COPB1: variants seen among roughly 807,000 people sequenced by gnomAD.
COPB1 encodes coatomer subunit beta.
Under a neutral mutation model 108.7 loss-of-function variants are expected in COPB1, and 21 were observed. The observed-to-expected ratio is 0.19, with a 90% CI of 0.14 to 0.28. The LOEUF is 0.28. COPB1 is among the 10% of genes least tolerant of loss of function. COPB1 has a pLI of 1.00. For missense variants in COPB1, 919 were observed against 1,141.3 expected (o/e 0.81, Z 2.81); for synonymous variants, 378 against 386.8 (o/e 0.98, Z 0.27).
At chr11:14,476,276 T>C (rs1850517786) in intron 12 of COPB1, among the ~76,000 whole-genome samples, 1 of 152,220 alleles carries the variant, frequency 6.6e-6, no homozygotes, top group African/African-American at 2.4e-5. Context: ...AAGCAGATGG[T>C]CATTAAGTCG....
At chr11:14,481,608 A>G (rs1470864336) in intron 8 of COPB1, among the ~76,000 whole-genome samples, 2 of 152,248 alleles carry the variant, frequency 1.3e-5, no homozygotes, top group Non-Finnish European at 2.9e-5. Context: ...TAGACTTGGT[A>G]TTAGATAACA....
chr11:14,499,020 TAA>T (rs3214792), intron 1 of COPB1, 35 bp from the exon 2 acceptor site: 204 of 804,374 alleles, frequency 2.5e-4, no homozygotes, highest in Middle Eastern at 3.8e-4. Flanking sequence ...CATTACAAAT[TAA>T]AAAAAAAAAA....
chr11:14,473,484 C>T (rs1284033807), intron 14 of COPB1, among the ~76,000 whole-genome samples: 2 of 152,100 alleles, frequency 1.3e-5, no homozygotes. Flanking sequence ...CACTTAGAAG[C>T]CACTGTAGGA....
At position 14,479,723 on chromosome 11, in the gene COPB1, A is replaced by G. The variant is rs1209412276; in HGVS notation, c.1213-9T>C. On this transcript the variant is annotated splice_polypyrimidine_tract_variant and intron_variant, in intron 10 of 21. Transcript: ENST00000439561. ...CTGAGAAATTCCATTAACTAAAAGA[A>G]AAAAAAAAAAAAGAAAATGGAACTA... 2.3e-6 allele frequency: 3 copies of G among 1,286,122 alleles called. No individual in the cohort carries two copies. The highest frequency in any genetic ancestry group is 3.1e-5 in the African/African-American group (2 of 65,516). 79.7% of individuals were successfully genotyped at this position (1,286,122 alleles called of 1,614,324 possible).
At chr11:14,459,709 G>A (rs200712579) in intron 20 of COPB1, among the ~76,000 whole-genome samples, 2 of 151,220 alleles carry the variant, frequency 1.3e-5, no homozygotes, top group East Asian at 3.9e-4. Context: ...TCCACCCCCT[G>A]GGGTTCAGGT....
chr11:14,495,203 G>C (rs1214063134), intron 2 of COPB1, among the ~76,000 whole-genome samples: 2 of 152,078 alleles, frequency 1.3e-5, no homozygotes, highest in Non-Finnish European at 2.9e-5. Flanking sequence ...AGAATTTATA[G>C]TACTAAAAAT....
At chr11:14,459,524 C>T (rs1274762260) in intron 20 of COPB1, among the ~76,000 whole-genome samples, 1 of 151,914 alleles carries the variant, frequency 6.6e-6, no homozygotes, top group Non-Finnish European at 1.5e-5. Flanking sequence ...AGTATAACAA[C>T]GATTCTGTAT....
At chr11:14,469,659 AC>A in intron 14 of COPB1, 96 bp from the exon 15 acceptor site, 1 of 1,039,164 alleles carries the variant, frequency 9.6e-7, no homozygotes, top group East Asian at 2.6e-5. Context: ...TTTTCACTTC[AC>A]CTGAATAAGA....
rs763627323 is a variant in COPB1, at chr11:14,458,607, G to A, written c.2727C>T (p.Val909=). 5 of 1,613,790 alleles carry A rather than the reference G, an allele frequency of 3.1e-6. No homozygotes were observed. The highest frequency in any genetic ancestry group is 4.2e-6 in the Non-Finnish European group (5 of 1,179,908). The change falls in exon 21 of 22, where the codon GTC becomes GTT. Residue 909 remains valine, a synonymous_variant. Transcript: ENST00000439561. The part of the protein sequence containing the change: ...SIFGEDALAN[V]SIEKPIHQGP... The stretch of plus-strand genomic sequence containing the variant: ...CCTGGTGAATTGGCTTCTCAATGCT[G>A]ACATTTGCAAGTGCATCTTCACCAA...
chr11:14,493,690 T>G lies in COPB1; in HGVS notation c.443A>C (p.His148Pro). The G allele has an allele frequency of 1.2e-6, 2 of 1,613,412 alleles. No individual in the cohort carries two copies. Among genetic ancestry groups the G allele is most frequent in the Non-Finnish European group, 1.7e-6 (2 of 1,179,824 alleles). ...PAIRACLEHR[H>P]SYVRRNAVLA... ...AACAGCATTTCTTCTAACATAGCTG[T>G]GTCGATGCTCCAAACATGCACGAAT... The change falls in exon 4 of 22, where the codon CAC (histidine) becomes CCC (proline). Residue 148 changes from histidine (H) to proline (P), a missense_variant. Coordinates refer to ENST00000439561, the MANE Select transcript of COPB1 (RefSeq NM_001144061.2).
chr11:14,461,047 T>G (rs959327400), intron 19 of COPB1, 139 bp downstream of exon 19: 2 of 1,057,478 alleles, frequency 1.9e-6, no homozygotes, highest in Non-Finnish European at 2.8e-6. Context: ...AAGGCTAATT[T>G]GCAAGAACAG....
chr11:14,457,765 G>A lies in COPB1; in HGVS notation c.*59C>T. 1 of 1,033,508 alleles carries A rather than the reference G, an allele frequency of 9.7e-7. No homozygotes were observed. Among genetic ancestry groups the A allele is most frequent in the Non-Finnish European group, 1.5e-6 (1 of 657,278 alleles). The allele number at this position is 1,033,508 out of a possible 1,614,324, so 64.0% of individuals were successfully genotyped here. A position where few individuals can be genotyped will look rare whatever the true frequency, so the allele number is the denominator to read the frequency against. On this transcript the variant is annotated 3_prime_UTR_variant, in exon 22 of 22. Transcript: ENST00000439561. ...GCATGAAAGAGTACAAAAGATGTTG[G>A]AGTCCAGTAAGCCCATACCTAAATT... is the stretch of plus-strand genomic sequence containing the variant.
chr11:14,486,245 TAA>T, intron 7 of COPB1, 120 bp downstream of exon 7: 1 of 1,170,394 alleles, frequency 8.5e-7, no homozygotes, highest in South Asian at 1.5e-5. Context: ...AATAATTTTA[TAA>T]GTTTGTAGTT....
intron 13 of COPB1, among the ~76,000 whole-genome samples, chr11:14,475,093 CAAAAAAAAAAAAA>C (rs146181255): frequency 1.4e-4 from 10 of 71,572 alleles, no homozygotes; most frequent in South Asian, 5.5e-4. Flanking sequence ...GACTCTGTGT[CAAAAAAAAAAAAA>C]AAAAAAAAAA....
At chr11:14,470,660 T>C (rs144289088) in intron 14 of COPB1, among the ~76,000 whole-genome samples, 94 of 152,000 alleles carry the variant, frequency 6.2e-4, no homozygotes, top group Middle Eastern at 6.8e-3. Context: ...AGAGTAAGTA[T>C]ATGTCCCCCA....
In COPB1 at chr11:14,490,901, T is replaced by C. The variant is rs560792061; in HGVS notation, c.492-222A>G. 1.4e-4 allele frequency among the ~76,000 whole-genome samples: 21 copies of C among 152,026 alleles called. 2 individuals are homozygous for C. In the South Asian group the frequency reaches 4.4e-3, roughly 32 times the overall value. ...ACTTCCAGGGTTCAAGCAATTCTCCTGCCTCAGCCTCCCGAGTAGCTGCGA... is the reference window on the plus strand; with the variant it reads ...ACTTCCAGGGTTCAAGCAATTCTCCCGCCTCAGCCTCCCGAGTAGCTGCGA... On this transcript the variant is annotated intron_variant, in intron 4 of 21. Coordinates refer to ENST00000439561, the MANE Select transcript of COPB1 (RefSeq NM_001144061.2).
At chr11:14,477,277 G>A (rs1269048134) in intron 11 of COPB1, among the ~76,000 whole-genome samples, 4 of 150,964 alleles carry the variant, frequency 2.6e-5, no homozygotes, top group South Asian at 2.1e-4. Context: ...CCAGCTACCC[G>A]GGAGGCTGAG....
At chr11:14,468,931 C>T in intron 15 of COPB1, 71 bp from the exon 16 acceptor site, 2 of 1,255,324 alleles carry the variant, frequency 1.6e-6, no homozygotes, top group Admixed American at 2.1e-5. Context: ...TTGACAGAGA[C>T]AGCCCTCACA....
Position 14,469,368 on chromosome 11 carries a change from C to T in COPB1, c.1933G>A (p.Ala645Thr). 2 of 1,614,034 alleles carry T rather than the reference C, an allele frequency of 1.2e-6. No homozygotes were observed. Among genetic ancestry groups the T allele is most frequent in the Non-Finnish European group, 1.7e-6 (2 of 1,179,912 alleles). Residue 645 changes from alanine to threonine, a missense_variant, in exon 15 of 22, where the codon GCT becomes ACT. Coordinates refer to ENST00000439561, the MANE Select transcript of COPB1 (RefSeq NM_001144061.2). ...CRQSLSHMLS[A>T]KLEEEKLSQK... Reference sequence around the variant, plus strand: ...GATAATTTCTCTTCTTCTAGTTTAGCAGATAACATGTGAGAAAGGGACTGT... The same window carrying T: ...GATAATTTCTCTTCTTCTAGTTTAGTAGATAACATGTGAGAAAGGGACTGT...
Sources: gnomAD v4.1 joint callset for allele counts (sites outside exome capture counted in the v4.1 genomes callset) on GRCh38, gnomAD v4.1.1 for gene constraint, MANE v1.5 for transcripts, NCBI Gene and HGNC (gene_info 2026-07-23, HGNC 2026-07-21) for gene names.